The following POLA1 variants were observed in gnomAD, a reference collection of about 807,000 sequenced individuals.
POLA1 encodes the protein DNA polymerase alpha 1, catalytic subunit.
A neutral mutation model predicts 124.0 loss-of-function variants in POLA1; 15 were observed. That is an observed-to-expected ratio of 0.12 (90% CI 0.08 to 0.19). The LOEUF (loss-of-function observed/expected upper bound fraction) is 0.19. POLA1 is among the 10% of genes least tolerant of loss of function. POLA1 has a pLI of 1.00. For missense variants in POLA1, 886 were observed against 1,103.4 expected (o/e 0.80, Z 2.79); for synonymous variants, 408 against 389.4 (o/e 1.05, Z -0.56).
chrX:24,914,235 A>G (rs764130322), intron 35 of POLA1, among the ~76,000 whole-genome samples: 1 of 110,611 alleles, frequency 9.0e-6, no homozygotes, highest in South Asian at 3.9e-4. Flanking sequence ...ACTATGCAAT[A>G]ATTTTTAAAG....
chrX:24,771,503 A>G (rs1374673712), intron 26 of POLA1, among the ~76,000 whole-genome samples: 3 of 111,594 alleles, frequency 2.7e-5, no homozygotes, highest in East Asian at 5.6e-4. Flanking sequence ...AACTCTTGTA[A>G]TCTGGGATGC....
chrX:24,749,166 C>CGT (rs1226301302), intron 26 of POLA1, among the ~76,000 whole-genome samples, 174 bp downstream of exon 26: 1 of 110,862 alleles, frequency 9.0e-6, no homozygotes, highest in Non-Finnish European at 1.9e-5. Flanking sequence ...TTCATTAATT[C>CGT]GTGTGTGTGT....
chrX:24,815,137 C>G, intron 30 of POLA1, 26 bp downstream of exon 30: 1 of 1,178,315 alleles, frequency 8.5e-7, no homozygotes, highest in Non-Finnish European at 1.1e-6. Context: ...ATTGCTGAGC[C>G]CAGCTGCTGT....
intron 34 of POLA1, among the ~76,000 whole-genome samples, chrX:24,851,770 C>T (rs1431921663): frequency 8.8e-6 from 1 of 113,127 alleles, no homozygotes; most frequent in African/African-American, 3.2e-5. Flanking sequence ...TTTGATTTCT[C>T]TAACCTGGTG....
At chrX:24,740,433 C>G (rs1569290546) in intron 20 of POLA1, among the ~76,000 whole-genome samples, 1 of 111,492 alleles carries the variant, frequency 9.0e-6, no homozygotes, top group Admixed American at 9.6e-5. Flanking sequence ...TATGCCTATC[C>G]CCTTACTTTT....
At chrX:24,832,909 C>CATTT (rs1212331092) in intron 32 of POLA1, among the ~76,000 whole-genome samples, 1 of 111,816 alleles carries the variant, frequency 8.9e-6, no homozygotes, top group Non-Finnish European at 1.9e-5. Flanking sequence ...AACTCACCTT[C>CATTT]ATTTATTTAT....
intron 35 of POLA1, among the ~76,000 whole-genome samples, chrX:24,925,186 G>A (rs1601877035): frequency 8.9e-6 from 1 of 112,052 alleles, no homozygotes; most frequent in East Asian, 2.8e-4. Context: ...CTACTAGAAC[G>A]TGGTGTTTGG....
At chrX:24,737,531 AAAAG>A in intron 18 of POLA1, 90 bp from the exon 19 acceptor site, 1 of 520,327 alleles carries the variant, frequency 1.9e-6, no homozygotes. Context: ...AGAGACTAGA[AAAAG>A]AAAGGGCAAA....
At chrX:24,694,118 G>A in intron 1 of POLA1, 114 bp downstream of exon 1, 1 of 752,650 alleles carries the variant, frequency 1.3e-6, no homozygotes, top group Non-Finnish European at 1.9e-6. Flanking sequence ...GACCTTGGTC[G>A]TCCCCGGCGG....
intron 36 of POLA1, among the ~76,000 whole-genome samples, chrX:24,951,304 A>G (rs1601902221): frequency 1.1e-5 from 1 of 93,181 alleles, no homozygotes; most frequent in Non-Finnish European, 2.1e-5. Context: ...TAACAGTTTG[A>G]TCACTATACA....
intron 35 of POLA1, among the ~76,000 whole-genome samples, chrX:24,917,942 G>A (rs746287198): frequency 9.0e-6 from 1 of 111,616 alleles, no homozygotes; most frequent in Non-Finnish European, 1.9e-5. Flanking sequence ...ACGACATTCT[G>A]ATGGGTATTT....
intron 34 of POLA1, among the ~76,000 whole-genome samples, chrX:24,853,431 G>C (rs926369125): frequency 1.8e-5 from 2 of 111,976 alleles, no homozygotes; most frequent in African/African-American, 6.5e-5. Context: ...CTTGCACTTT[G>C]AGCAGATCAT....
intron 4 of POLA1, among the ~76,000 whole-genome samples, chrX:24,711,206 AC>A (rs1317592280): frequency 9.0e-6 from 1 of 110,656 alleles, no homozygotes; most frequent in African/African-American, 3.3e-5. Context: ...CTGGTCTCAA[AC>A]TCCTGGGCTC....
At chrX:24,910,667 C>T (rs2047436914) in intron 35 of POLA1, among the ~76,000 whole-genome samples, 1 of 111,721 alleles carries the variant, frequency 9.0e-6, no homozygotes, top group South Asian at 3.7e-4. Flanking sequence ...AGGAATACTA[C>T]ATAATGACAA....
chrX:24,935,029 C>A (rs758282728), intron 36 of POLA1, among the ~76,000 whole-genome samples: 22 of 111,852 alleles, frequency 2.0e-4, no homozygotes, highest in Non-Finnish European at 3.0e-4. Context: ...CCAGGTCTCT[C>A]CTCAACTTCT....
chrX:24,977,158 T>C (rs1601925962), intron 36 of POLA1, among the ~76,000 whole-genome samples: 1 of 112,244 alleles, frequency 8.9e-6, no homozygotes, highest in East Asian at 2.8e-4. Flanking sequence ...CTACAGTCTG[T>C]ATCTTTGTTT....
chrX:24,722,030 A>G (rs1464793804), intron 10 of POLA1, among the ~76,000 whole-genome samples: 1 of 111,181 alleles, frequency 9.0e-6, no homozygotes. Flanking sequence ...CAACTCTTGT[A>G]AGAATTTTAA....
At chrX:24,955,928 GA>G (rs1300558268) in intron 36 of POLA1, among the ~76,000 whole-genome samples, 3 of 111,822 alleles carry the variant, frequency 2.7e-5, no homozygotes, top group Non-Finnish European at 5.6e-5. Flanking sequence ...TCCTGAATGG[GA>G]AAAAAGTAAG....
intron 18 of POLA1, among the ~76,000 whole-genome samples, 174 bp downstream of exon 18, chrX:24,735,662 GT>G (rs201368150): frequency 6.6e-4 from 70 of 106,503 alleles, no homozygotes; most frequent in East Asian, 2.9e-3. Context: ...CTGCAAGATA[GT>G]TTTTTTTTTT....
Sources: allele counts gnomAD v4.1 joint callset (sites outside exome capture counted in the v4.1 genomes callset), GRCh38; gene constraint gnomAD v4.1.1; transcripts MANE v1.5; gene names NCBI Gene and HGNC (gene_info 2026-07-23, HGNC 2026-07-21).